Variants in PLCG1 observed in about 807,000 individuals in gnomAD.
PLCG1 encodes phospholipase C gamma 1, also known as 1-phosphatidylinositol 4,5-bisphosphate phosphodiesterase gamma-1.
In PLCG1, 71 loss-of-function variants were observed where a neutral mutation model predicts 177.8. The ratio of observed to expected loss-of-function variants is 0.40; its 90% CI spans 0.33 to 0.49. The LOEUF is 0.49. Ranked by LOEUF, PLCG1 falls within the 20% of genes least tolerant of loss-of-function variation. The probability of loss-of-function intolerance (pLI) is 0.72; values close to 1 mark genes in which losing one functional copy is unlikely to be tolerated. For synonymous variants in PLCG1, 658 were observed against 647.9 expected (o/e 1.02, Z -0.24); for missense variants, 1,281 against 1,709.0 (o/e 0.75, Z 4.42).
Position 41,173,603 on chromosome 20 carries a change from C to G in PLCG1, c.3395-49C>G. 6.2e-7 allele frequency: 1 copy of G among 1,614,076 alleles called. No homozygotes were observed. Among genetic ancestry groups the G allele is most frequent in the Non-Finnish European group, 8.5e-7 (1 of 1,179,974 alleles). ...CTGCAAGCCTCTCCCCACCAGTCAT[C>G]CCATCCTCTCCCACGGTGACCTGAA... On this transcript the variant is annotated intron_variant, in intron 28 of 31. Transcript: ENST00000685551. The surrounding 1 kb of genome is among the most constrained non-coding windows in gnomAD (Gnocchi z 6.2).
chr20:41,145,749 T>C (rs1234690636), intron 1 of PLCG1, among the ~76,000 whole-genome samples: 1 of 152,048 alleles, frequency 6.6e-6, no homozygotes, highest in Non-Finnish European at 1.5e-5. Flanking sequence ...ATTCTGTAGT[T>C]TTGGGGAAGA....
intron 1 of PLCG1, among the ~76,000 whole-genome samples, chr20:41,158,820 C>T (rs983538297): frequency 3.3e-5 from 5 of 152,184 alleles, no homozygotes; most frequent in African/African-American, 1.2e-4. Flanking sequence ...TCAGTCAAGC[C>T]CTTTGCTTTA....
At chr20:41,171,501 C>T (rs1458786549) in intron 24 of PLCG1, among the ~76,000 whole-genome samples, 3 of 148,240 alleles carry the variant, frequency 2.0e-5, no homozygotes, top group African/African-American at 7.5e-5. Flanking sequence ...GCAGGAGAAT[C>T]GCTTGAACCC....
rs1320320410 is a variant in PLCG1 at position 41,170,100 on chromosome 20, T to C, written c.2651-12T>C. On this transcript the variant is annotated splice_polypyrimidine_tract_variant and intron_variant, in intron 23 of 31. Transcript: ENST00000685551. ...GTCTATTCCCAGCTGTTATCTGCTC[T>C]CGCCCTCCCAGCCATCCGTCCTGAG... 2 of 1,602,504 alleles carry C rather than the reference T, an allele frequency of 1.2e-6. No individual in the cohort carries two copies. Among genetic ancestry groups the C allele is most frequent in the Non-Finnish European group, 1.7e-6 (2 of 1,173,064 alleles).
In PLCG1 at chr20:41,168,772, A is replaced by G. The variant is rs772259918; in HGVS notation, c.2385A>G (p.Ala795=). ...EANPMPTFKC[A]VKALFDYKAQ... Reference sequence around the variant, plus strand: ...GGTGCTTCTCACCTCTGCAGTGTGCAGTCAAAGCCCTCTTTGACTACAAGG... The same window carrying G: ...GGTGCTTCTCACCTCTGCAGTGTGCGGTCAAAGCCCTCTTTGACTACAAGG... Residue 795 remains alanine, a synonymous_variant, in exon 21 of 32, where the codon GCA becomes GCG. Transcript: ENST00000685551. 9 of 1,602,032 alleles carry G rather than the reference A, an allele frequency of 5.6e-6. No individual in the cohort carries two copies. The highest frequency in any genetic ancestry group is 7.7e-6 in the Non-Finnish European group (9 of 1,169,850).
intron 1 of PLCG1, among the ~76,000 whole-genome samples, chr20:41,142,032 C>T (rs979740327): frequency 1.1e-4 from 16 of 152,216 alleles, no homozygotes; most frequent in African/African-American, 3.9e-4. Context: ...TGCTAGGCAC[C>T]AAGGATTCAA....
intron 4 of PLCG1, among the ~76,000 whole-genome samples, chr20:41,161,222 C>A (rs2035484338): frequency 6.6e-6 from 1 of 152,106 alleles, no homozygotes; most frequent in Admixed American, 6.5e-5. Flanking sequence ...GTGTTGAGTT[C>A]TGGCAGCCCA....
In PLCG1 at chr20:41,142,772, G is replaced by A. The variant is rs374154695; in HGVS notation, c.217+4914G>A. On this transcript the variant is annotated intron_variant, in intron 1 of 31. Coordinates refer to ENST00000685551, the MANE Select transcript of PLCG1 (RefSeq NM_002660.3). ...CATTTATTTTATAAGGTTTTTGTGA[G>A]GATTTGATGAGAACCTGTATAAAGT... Among the ~76,000 whole-genome samples, 18 of 152,316 alleles carry A rather than the reference G, an allele frequency of 1.2e-4. No individual in the cohort carries two copies. The East Asian group carries it at 3.1e-3, about 26-fold the overall frequency.
rs1379873732 is a variant in PLCG1 at position 41,163,293 on chromosome 20, T to C, written c.789+18T>C. 1 of 1,579,586 alleles carries C rather than the reference T, an allele frequency of 6.3e-7. No homozygotes were observed. The highest frequency in any genetic ancestry group is 1.4e-5 in the African/African-American group (1 of 73,434). On this transcript the variant is annotated intron_variant, in intron 8 of 31. Coordinates refer to ENST00000685551, the MANE Select transcript of PLCG1 (RefSeq NM_002660.3). This position sits in a 1 kb window ranked among gnomAD's most constrained non-coding sequence, Gnocchi z 5.2. ...ACCAGGGGGTATGGCTGGGCTGACA[T>C]TGGCCCAGGCTGGTAGGTTGTGGGG... is the stretch of plus-strand genomic sequence containing the variant.
Position 41,160,312 on chromosome 20 carries a change from C to T in PLCG1, c.512+159C>T, listed in dbSNP as rs1431928836. ...AGGTTCTGCCACGTGTAGCTTTCTG[C>T]ACAAAGTCCTCTGGTGGCCTTGGTG... On this transcript the variant is annotated intron_variant, in intron 4 of 31. Coordinates refer to ENST00000685551, the MANE Select transcript of PLCG1 (RefSeq NM_002660.3). The surrounding 1 kb of genome is among the most constrained non-coding windows in gnomAD (Gnocchi z 5.5). Among the ~76,000 whole-genome samples the T allele has an allele frequency of 2.6e-5, 4 of 152,228 alleles. No individual in the cohort carries two copies. The highest frequency in any genetic ancestry group is 5.9e-5 in the Non-Finnish European group (4 of 68,048).
rs766434623 is a variant in PLCG1 at position 41,174,172 on chromosome 20, C to T, written c.3694C>T (p.Arg1232Trp). The T allele has an allele frequency of 8.1e-6, 13 of 1,614,118 alleles. No individual in the cohort carries two copies. Among genetic ancestry groups the T allele is most frequent in the South Asian group, 1.1e-5 (1 of 91,084 alleles). Reference sequence around the variant, plus strand: ...CTTCAGTGGTACGTCCCTGCGGGAGCGGGGCTCAGATGCCTCAGGCCAGCT... The same window carrying T: ...CTTCAGTGGTACGTCCCTGCGGGAGTGGGGCTCAGATGCCTCAGGCCAGCT... ...SPFSGTSLRERGSDASGQLFH... is the reference protein window; with the variant it reads ...SPFSGTSLREWGSDASGQLFH... Residue 1232 changes from arginine to tryptophan, a missense_variant, in exon 31 of 32, where the codon CGG (arginine) becomes TGG (tryptophan). Around this residue, in one of 4 missense-constraint regions of PLCG1, gnomAD observed 153 missense variants for 153.2 expected, o/e 1.00. Coordinates refer to ENST00000685551, the MANE Select transcript of PLCG1 (RefSeq NM_002660.3). This position sits in a 1 kb window ranked among gnomAD's most constrained non-coding sequence, Gnocchi z 5.8.
chr20:41,167,870 C>T lies in PLCG1; in HGVS notation c.2320C>T (p.Leu774=). The T allele has an allele frequency of 1.2e-6, 2 of 1,613,578 alleles. No individual in the cohort carries two copies. The highest frequency in any genetic ancestry group is 1.7e-6 in the Non-Finnish European group (2 of 1,179,582). The change falls in exon 20 of 32, where the codon CTG becomes TTG. Residue 774 remains leucine, a synonymous_variant. Coordinates refer to ENST00000685551, the MANE Select transcript of PLCG1 (RefSeq NM_002660.3). This position sits in a 1 kb window ranked among gnomAD's most constrained non-coding sequence, Gnocchi z 4.4. ...IGTAEPDYGA[L]YEGRNPGFYV... ...TTTCCAGGAGCCTGACTACGGGGCCCTGTATGAGGGACGCAACCCTGGCTT... is the reference window on the plus strand; with the variant it reads ...TTTCCAGGAGCCTGACTACGGGGCCTTGTATGAGGGACGCAACCCTGGCTT...
rs1384132900 is a variant in PLCG1, at chr20:41,176,537, T to C, written c.*2028T>C. On this transcript the variant is annotated 3_prime_UTR_variant, in exon 32 of 32. Transcript: ENST00000685551. Reference sequence around the variant, plus strand: ...GGCGTGTTTGTTAGTGTTGACCCTTTTAGTTTTCATCAATACGTATCTCTA... The same window carrying C: ...GGCGTGTTTGTTAGTGTTGACCCTTCTAGTTTTCATCAATACGTATCTCTA... 6.6e-6 allele frequency: 1 copy of C among 152,236 alleles called. No homozygotes were observed. The highest frequency in any genetic ancestry group is 1.5e-5 in the Non-Finnish European group (1 of 68,054). 9.4% of individuals were successfully genotyped at this position (152,236 alleles called of 1,614,324 possible).
chr20:41,172,041 T>C lies in PLCG1; in HGVS notation c.2809-152T>C, dbSNP rs147912168. ...GAGGCTGAGGACAGAGCTCCCTCAT[T>C]TACTGTTGGGTGTGGTGTCTGGAAG... On this transcript the variant is annotated intron_variant, in intron 24 of 31. Coordinates refer to ENST00000685551, the MANE Select transcript of PLCG1 (RefSeq NM_002660.3). The surrounding 1 kb of genome is among the most constrained non-coding windows in gnomAD (Gnocchi z 7.0). 70 of 688,766 alleles carry C rather than the reference T, an allele frequency of 1.0e-4. No homozygotes were observed. Among genetic ancestry groups the C allele is most frequent in the Non-Finnish European group, 1.7e-4 (66 of 380,798 alleles). The allele number at this position is 688,766 out of a possible 1,614,324, so 42.7% of individuals were successfully genotyped here.
intron 1 of PLCG1, among the ~76,000 whole-genome samples, chr20:41,158,288 A>G (rs1347429604): frequency 2.6e-5 from 4 of 152,168 alleles, no homozygotes; most frequent in African/African-American, 7.2e-5. Flanking sequence ...GGGGCTGGCC[A>G]GGCAAATGCT....
In PLCG1 at chr20:41,163,034, C is replaced by A. The variant is rs752679145; in HGVS notation, c.716+42C>A. On this transcript the variant is annotated intron_variant, in intron 7 of 31. Transcript: ENST00000685551. This position sits in a 1 kb window ranked among gnomAD's most constrained non-coding sequence, Gnocchi z 5.2. ...GGAGGTGGGGTTTTCCCTGGGCCCCCTTCATCTCTCCACTGGGCGATTCTT... is the reference window on the plus strand; with the variant it reads ...GGAGGTGGGGTTTTCCCTGGGCCCCATTCATCTCTCCACTGGGCGATTCTT... 7 of 1,596,748 alleles carry A rather than the reference C, an allele frequency of 4.4e-6. No individual in the cohort carries two copies. In the South Asian group the frequency reaches 6.6e-5, roughly 15 times the overall value.
At position 41,166,542 on chromosome 20, in the gene PLCG1, G is replaced by A. The variant is rs1157987074; in HGVS notation, c.2067G>A (p.Gly689=). The A allele has an allele frequency of 2.5e-6, 4 of 1,614,168 alleles. No homozygotes were observed. In the African/African-American group the frequency reaches 4.0e-5, roughly 16 times the overall value. Residue 689 remains glycine (G), a synonymous_variant, in exon 18 of 32, where the codon GGG becomes GGA. Coordinates refer to ENST00000685551, the MANE Select transcript of PLCG1 (RefSeq NM_002660.3). This position sits in a 1 kb window ranked among gnomAD's most constrained non-coding sequence, Gnocchi z 8.6. ...TGCTAATGCGCGTCCCTCGTGATGG[G>A]GCCTTCCTGGTGCGGAAGCGGAATG... ...EHMLMRVPRD[G]AFLVRKRNEP...
In PLCG1 at chr20:41,172,932, G is replaced by A. The variant is rs1160906088; in HGVS notation, c.3279+55G>A. 1.3e-6 allele frequency: 2 copies of A among 1,576,054 alleles called. No homozygotes were observed. Among genetic ancestry groups the A allele is most frequent in the African/African-American group, 1.3e-5 (1 of 74,170 alleles). The stretch of plus-strand genomic sequence containing the variant: ...AGGAAAGGGGCTGCTTGCCGTTGGA[G>A]TCTGTTTATGTTGAGTTCTCCAAAA... On this transcript the variant is annotated intron_variant, in intron 27 of 31. Coordinates refer to ENST00000685551, the MANE Select transcript of PLCG1 (RefSeq NM_002660.3). This position sits in a 1 kb window ranked among gnomAD's most constrained non-coding sequence, Gnocchi z 7.0.
Position 41,174,467 on chromosome 20 carries a change from G to A in PLCG1, c.3834G>A (p.Arg1278=). The A allele has an allele frequency of 6.3e-7, 1 of 1,590,070 alleles. No homozygotes were observed. Among genetic ancestry groups the A allele is most frequent in the Non-Finnish European group, 8.6e-7 (1 of 1,166,762 alleles). Residue 1278 remains arginine (R), a splice_region_variant and synonymous_variant, in exon 32 of 32, where the codon AGG becomes AGA. Coordinates refer to ENST00000685551, the MANE Select transcript of PLCG1 (RefSeq NM_002660.3). The surrounding 1 kb of genome is among the most constrained non-coding windows in gnomAD (Gnocchi z 5.8). ...AAGGACACTCTTCCCTTCTGTCCAG[G>A]GCCCCAAGAAGGACTCGGGTCAATG... is the stretch of plus-strand genomic sequence containing the variant. The part of the protein sequence containing the change: ...LADHFDSRER[R]APRRTRVNGD...
Sources: gnomAD v4.1 joint callset for allele counts (sites outside exome capture counted in the v4.1 genomes callset) on GRCh38, gnomAD v4.1.1 for gene constraint, gnomAD v4.1.1 regional missense constraint, Gnocchi (gnomAD v3.1) non-coding constraint, MANE v1.5 for transcripts, NCBI Gene and HGNC (gene_info 2026-07-23, HGNC 2026-07-21) for gene names.